Variants in XG observed in about 807,000 individuals in gnomAD.
XG encodes Xg glycoprotein (Xg blood group).
XG carries 24 observed loss-of-function variants against 25.7 expected under a neutral mutation model. The ratio of observed to expected loss-of-function variants is 0.93; its 90% confidence interval spans 0.68 to 1.31. The LOEUF is 1.31. Ranked by LOEUF, XG falls within the 40% of genes most tolerant of loss-of-function variation. The pLI is 0.00. For missense variants in XG, 181 were observed against 187.6 expected (o/e 0.96, Z 0.21); for synonymous variants, 77 against 69.2 (o/e 1.11, Z -0.56).
rs188514123 is a variant in XG at position 2,768,732 on chromosome X, C to A, written c.62-1818C>A. On this transcript the variant is annotated intron_variant, in intron 1 of 10. Transcript: ENST00000644266. ...GCAGTGGGCTGAGATTGTGCCACTG[C>A]ACTCCAGCCTAGGCGACAGAGAGAG... 9.3e-4 allele frequency among the ~76,000 whole-genome samples: 141 copies of A among 152,300 alleles called. 1 individual carries two copies. The highest frequency in any genetic ancestry group is 3.3e-3 in the African/African-American group (136 of 41,580).
intron 2 of XG, among the ~76,000 whole-genome samples, chrX:2,772,935 G>C (rs1171555445): frequency 6.6e-6 from 1 of 152,156 alleles, no homozygotes; most frequent in Non-Finnish European, 1.5e-5. Flanking sequence ...ACAGTCACCT[G>C]CATGGCGACT....
intron 3 of XG, among the ~76,000 whole-genome samples, chrX:2,775,467 G>C (rs1275630266): frequency 2.0e-5 from 3 of 152,166 alleles, no homozygotes; most frequent in East Asian, 3.9e-4. Flanking sequence ...ACTGCCAGGG[G>C]CTGGAGGGGA....
intron 1 of XG, among the ~76,000 whole-genome samples, chrX:2,761,171 T>C (rs1441317373): frequency 6.6e-6 from 1 of 151,948 alleles, no homozygotes; most frequent in African/African-American, 2.4e-5. Flanking sequence ...ATGGGGTCTT[T>C]AAAGAGGTGA....
intron 1 of XG, among the ~76,000 whole-genome samples, chrX:2,766,235 G>T (rs1200865697): frequency 6.6e-6 from 1 of 152,176 alleles, no homozygotes; most frequent in Non-Finnish European, 1.5e-5. Flanking sequence ...CCACCTCCCA[G>T]GTTCAAGCAA....
chrX:2,808,623 T>A (rs2087026259), intron 9 of XG: 1 of 701,060 alleles, frequency 1.4e-6, no homozygotes, highest in Admixed American at 8.9e-5. Flanking sequence ...GCACTGTCAA[T>A]CCCGTCTCAG....
rs578140488 is a variant in XG, at chrX:2,764,367, G to A, written c.62-6183G>A. 1.0e-3 allele frequency among the ~76,000 whole-genome samples: 158 copies of A among 152,184 alleles called. 2 individuals carry two copies. The South Asian group carries it at 0.03, about 29-fold the overall frequency. On this transcript the variant is annotated intron_variant, in intron 1 of 10. Transcript: ENST00000644266. ...AAACTTGCTTTCATTTTATGGACTC[G>A]CCGCAAATTCTTTCTTGTGCAAGGT... is the stretch of plus-strand genomic sequence containing the variant.
At chrX:2,789,060 G>C (rs2086811521) in intron 4 of XG, among the ~76,000 whole-genome samples, 1 of 111,114 alleles carries the variant, frequency 9.0e-6, no homozygotes, top group South Asian at 3.8e-4. Flanking sequence ...GCAAGACCTT[G>C]TCTCTACACA....
chrX:2,794,376 G>A (rs928358572), intron 5 of XG, among the ~76,000 whole-genome samples, 159 bp from the exon 6 acceptor site: 2 of 112,494 alleles, frequency 1.8e-5, no homozygotes, highest in African/African-American at 6.5e-5. Context: ...CAGCCCACAA[G>A]GTAATTTAAT....
intron 8 of XG, among the ~76,000 whole-genome samples, chrX:2,807,260 G>C (rs1211017702): frequency 8.8e-6 from 1 of 113,156 alleles, no homozygotes; most frequent in Non-Finnish European, 1.9e-5. Context: ...TGTTTCCCAT[G>C]TGTGTCCATT....
chrX:2,810,300 T>C (rs1188953060), intron 9 of XG, among the ~76,000 whole-genome samples: 1 of 111,530 alleles, frequency 9.0e-6, no homozygotes, highest in African/African-American at 3.3e-5. Context: ...GAAGTGTTGA[T>C]TTTTGTCACA....
intron 7 of XG, among the ~76,000 whole-genome samples, chrX:2,798,003 C>T (rs866614586): frequency 1.8e-5 from 2 of 111,810 alleles, no homozygotes; most frequent in Admixed American, 9.5e-5. Context: ...GAGATAAGAT[C>T]GTGCCACTGC....
intron 1 of XG, among the ~76,000 whole-genome samples, chrX:2,758,951 T>C (rs1312244692): frequency 3.0e-5 from 1 of 33,744 alleles, no homozygotes; most frequent in Non-Finnish European, 8.0e-5. Context: ...CTATTATCTA[T>C]CTATTTATCT....
chrX:2,760,505 G>A (rs1020951638), intron 1 of XG, among the ~76,000 whole-genome samples: 16 of 151,328 alleles, frequency 1.1e-4, no homozygotes, highest in Non-Finnish European at 1.5e-4. Flanking sequence ...GGAGGCTGAG[G>A]CTGGCAGATC....
At chrX:2,763,925 G>C (rs5939316) in intron 1 of XG, among the ~76,000 whole-genome samples, 29,803 of 152,140 alleles carry the variant, frequency 0.2, 3,237 homozygotes, top group African/African-American at 0.3. Flanking sequence ...GCAACTCCAG[G>C]TTGAGTAGGG....
chrX:2,755,604 G>A (rs892990870), intron 1 of XG, among the ~76,000 whole-genome samples: 2 of 152,082 alleles, frequency 1.3e-5, no homozygotes, highest in African/African-American at 4.8e-5. Context: ...CTATTGCCCA[G>A]CCCCTATTCA....
At chrX:2,784,189 T>C (rs1285217240) in intron 4 of XG, among the ~76,000 whole-genome samples, 6 of 111,693 alleles carry the variant, frequency 5.4e-5, no homozygotes, top group African/African-American at 2.0e-4. Context: ...AAGGCACTCA[T>C]GGGAATTCCA....
intron 3 of XG, among the ~76,000 whole-genome samples, chrX:2,776,265 G>T (rs1202618326): frequency 1.3e-5 from 2 of 152,136 alleles, no homozygotes; most frequent in Non-Finnish European, 2.9e-5. Context: ...GGAGGGCTGG[G>T]GGTCTAGTGA....
At chrX:2,763,964 G>A (rs1192262377) in intron 1 of XG, among the ~76,000 whole-genome samples, 2 of 152,126 alleles carry the variant, frequency 1.3e-5, no homozygotes, top group African/African-American at 4.8e-5. Flanking sequence ...GAGAGCTGCC[G>A]GGCTGCATTC....
chrX:2,804,786 G>A (rs746523709), intron 7 of XG, among the ~76,000 whole-genome samples: 112 of 111,452 alleles, frequency 1.0e-3, no homozygotes, highest in African/African-American at 3.5e-3. Context: ...TCTGGCTCCC[G>A]AATGGATCAA....
Sources: allele counts gnomAD v4.1 joint callset (sites outside exome capture counted in the v4.1 genomes callset), GRCh38; gene constraint gnomAD v4.1.1; transcripts MANE v1.5; gene names NCBI Gene and HGNC (gene_info 2026-07-23, HGNC 2026-07-21).